The following ARMC2 variants were observed in gnomAD, a reference collection of about 807,000 sequenced individuals.
ARMC2 encodes the protein armadillo repeat containing 2.
ARMC2 carries 67 observed loss-of-function variants against 90.3 expected under a neutral mutation model. That is an observed-to-expected ratio of 0.74 (90% CI 0.61 to 0.91). ARMC2 has a LOEUF of 0.91. ARMC2 is among the 40% of genes least tolerant of loss of function. The probability of loss-of-function intolerance (pLI) is 0.00; values close to 1 mark genes in which losing one functional copy is unlikely to be tolerated. For synonymous variants in ARMC2, 393 were observed against 393.0 expected (o/e 1.00, Z 0.00); for missense variants, 920 against 1,030.9 (o/e 0.89, Z 1.47).
the ARMC2 span, among the ~76,000 whole-genome samples, chr6:109,039,888 G>A: frequency 6.6e-5 from 10 of 152,206 alleles, no homozygotes; most frequent in African/African-American, 2.4e-4. Flanking sequence ...AGCAGGATGG[G>A]AGAGAGGAGA....
At chr6:108,936,243 G>GT (rs1050729037) in intron 11 of ARMC2, among the ~76,000 whole-genome samples, 3 of 151,746 alleles carry the variant, frequency 2.0e-5, no homozygotes, top group Non-Finnish European at 2.9e-5. Flanking sequence ...GAATGTATAG[G>GT]TTTTTTGTTT....
At chr6:109,052,860 A>T in the ARMC2 span, among the ~76,000 whole-genome samples, 1 of 152,204 alleles carries the variant, frequency 6.6e-6, no homozygotes, top group Non-Finnish European at 1.5e-5. Flanking sequence ...CTTAATCCAG[A>T]CTAAGTACTG....
At chr6:108,964,866 T>C in intron 16 of ARMC2, 114 bp from the exon 17 acceptor site, 1 of 773,320 alleles carries the variant, frequency 1.3e-6, no homozygotes, top group South Asian at 2.3e-5. Context: ...TTATTTTAAG[T>C]GATCACTGGA....
In ARMC2 at chr6:108,961,630, C is replaced by T; in HGVS notation, c.1974C>T (p.Asn658=). The T allele has an allele frequency of 6.2e-7, 1 of 1,612,300 alleles. No homozygotes were observed. Among genetic ancestry groups the T allele is most frequent in the African/African-American group, 1.3e-5 (1 of 75,000 alleles). ...TGATCAATGCTACAGCGACAATCAACAATTTATCTTACTACCAAGTGAAGA... is the reference window on the plus strand; with the variant it reads ...TGATCAATGCTACAGCGACAATCAATAATTTATCTTACTACCAAGTGAAGA... ...ELVINATATI[N]NLSYYQVKNS... is the part of the protein sequence containing the mutation. The change falls in exon 14 of 18, where the codon AAC becomes AAT. Residue 658 remains asparagine, a synonymous_variant. Coordinates refer to ENST00000392644, the MANE Select transcript of ARMC2 (RefSeq NM_032131.6).
the ARMC2 span, chr6:109,001,404 T>A: frequency 1.9e-6 from 3 of 1,613,870 alleles, no homozygotes; most frequent in Admixed American, 5.0e-5. Flanking sequence ...ATCACTAACG[T>A]AATGTTATCC....
intron 3 of ARMC2, among the ~76,000 whole-genome samples, chr6:108,867,484 C>T (rs1775932646): frequency 6.6e-6 from 1 of 151,944 alleles, no homozygotes; most frequent in South Asian, 2.1e-4. Flanking sequence ...AAAACATTTT[C>T]GGCTGGGCAC....
At chr6:108,978,305 G>A (rs573348545), downstream of ARMC2, among the ~76,000 whole-genome samples, 3 of 152,252 alleles carry the variant, frequency 2.0e-5, no homozygotes, top group East Asian at 3.9e-4. Flanking sequence ...GTAGTTGAGC[G>A]GTTTTGAGTG....
At chr6:109,009,127 G>A in the ARMC2 span, 1 of 691,272 alleles carries the variant, frequency 1.4e-6, no homozygotes, top group Non-Finnish European at 2.0e-6. Flanking sequence ...GCCCAGGGAC[G>A]ACTCACGGTG....
At chr6:108,989,067 A>G in the ARMC2 span, among the ~76,000 whole-genome samples, 1 of 152,164 alleles carries the variant, frequency 6.6e-6, no homozygotes, top group Non-Finnish European at 1.5e-5. Flanking sequence ...CAGTGGTGCT[A>G]TCTTGGCTTA....
intron 5 of ARMC2, 112 bp downstream of exon 5, chr6:108,876,462 T>C: frequency 1.8e-6 from 2 of 1,087,404 alleles, no homozygotes; most frequent in Non-Finnish European, 2.7e-6. Context: ...TGTAAGCAAA[T>C]TTTATGTTAA....
chr6:109,006,998 G>C, the ARMC2 span, among the ~76,000 whole-genome samples: 5 of 152,210 alleles, frequency 3.3e-5, no homozygotes, highest in Non-Finnish European at 7.3e-5. Flanking sequence ...AGCAGATGTA[G>C]ATACTAATCA....
At chr6:108,981,049 C>T in the ARMC2 span, among the ~76,000 whole-genome samples, 1 of 152,058 alleles carries the variant, frequency 6.6e-6, no homozygotes, top group South Asian at 2.1e-4. Flanking sequence ...GGTAGATTCA[C>T]TCCAACAGAT....
chr6:108,935,031 C>T (rs543706585), intron 11 of ARMC2, among the ~76,000 whole-genome samples: 2 of 151,878 alleles, frequency 1.3e-5, no homozygotes, highest in South Asian at 2.1e-4. Flanking sequence ...GTTATTTTCC[C>T]GAGATCACAC....
At chr6:108,965,610 T>C (rs894769273) in intron 17 of ARMC2, among the ~76,000 whole-genome samples, 2 of 152,064 alleles carry the variant, frequency 1.3e-5, no homozygotes, top group Admixed American at 1.3e-4. Context: ...CCTTGAAAGG[T>C]AGGAAATCAC....
chr6:109,009,582 A>T, the ARMC2 span: 1 of 1,072,964 alleles, frequency 9.3e-7, no homozygotes, highest in Non-Finnish European at 1.1e-6. Flanking sequence ...GCCGACAAAC[A>T]AGCCGCGCGG....
At chr6:108,987,856 G>C in the ARMC2 span, among the ~76,000 whole-genome samples, 2 of 146,210 alleles carry the variant, frequency 1.4e-5, no homozygotes, top group Non-Finnish European at 1.5e-5. Flanking sequence ...AGGCTCGGGT[G>C]CAGTGGCACG....
chr6:108,960,801 G>A (rs1303627670), intron 13 of ARMC2, among the ~76,000 whole-genome samples: 3 of 152,194 alleles, frequency 2.0e-5, no homozygotes, highest in African/African-American at 7.2e-5. Context: ...GTTCAGCAGT[G>A]CACGGGTTCT....
chr6:108,967,952 C>A (rs1020149114), intron 17 of ARMC2, among the ~76,000 whole-genome samples: 2 of 152,190 alleles, frequency 1.3e-5, no homozygotes, highest in Non-Finnish European at 2.9e-5. Flanking sequence ...CTCAAGCCCA[C>A]AGTCGTAGGC....
chr6:108,981,176 C>A, the ARMC2 span, among the ~76,000 whole-genome samples: 16 of 152,062 alleles, frequency 1.1e-4, no homozygotes, highest in Non-Finnish European at 2.4e-4. Context: ...AAACTCTCCC[C>A]TCGCCAAACA....
Sources: gnomAD v4.1 joint callset for allele counts (sites outside exome capture counted in the v4.1 genomes callset) on GRCh38, gnomAD v4.1.1 for gene constraint, MANE v1.5 for transcripts, NCBI Gene and HGNC (gene_info 2026-07-23, HGNC 2026-07-21) for gene names.